Variants in CPA4 observed in about 807,000 individuals in gnomAD.
The protein encoded by CPA4 is carboxypeptidase A3.
In CPA4, 49 loss-of-function variants were observed where a neutral mutation model predicts 54.7. The observed-to-expected ratio is 0.90, with a 90% CI of 0.71 to 1.14. CPA4 has a LOEUF of 1.14. Among genes scored for constraint, CPA4 ranks in the 50% most tolerant of loss-of-function variants. The probability of loss-of-function intolerance (pLI) is 0.00; values close to 1 mark genes in which losing one functional copy is unlikely to be tolerated. For synonymous variants in CPA4, 215 were observed against 206.8 expected (o/e 1.04, Z -0.34); for missense variants, 487 against 525.1 (o/e 0.93, Z 0.71).
At chr7:130,300,330 T>C (rs1480956017) in intron 3 of CPA4, among the ~76,000 whole-genome samples, 1 of 142,264 alleles carries the variant, frequency 7.0e-6, no homozygotes, top group African/African-American at 2.7e-5. Context: ...CCCCAAGAAG[T>C]AAATTTTTTT....
chr7:130,299,576 T>C (rs1793707938), intron 3 of CPA4, 172 bp downstream of exon 3: 1 of 615,188 alleles, frequency 1.6e-6, no homozygotes. Context: ...CAACATTTTG[T>C]AGTAGAAAGG....
At chr7:130,303,013 C>T (rs1793763058) in intron 4 of CPA4, among the ~76,000 whole-genome samples, 1 of 152,174 alleles carries the variant, frequency 6.6e-6, no homozygotes, top group South Asian at 2.1e-4. Flanking sequence ...GAATCATTTT[C>T]CTTGTATTTT....
intron 10 of CPA4, among the ~76,000 whole-genome samples, chr7:130,319,104 C>T (rs12533930): frequency 0.051 from 7,699 of 152,228 alleles, 271 homozygotes; most frequent in Middle Eastern, 0.088. Context: ...CTTGTGTTTG[C>T]TTTGTAGAGT....
chr7:130,308,396 A>G lies in CPA4; in HGVS notation c.792A>G (p.Ala264=). ...DPNRNWNASF[A]GKGASDNPCS... Reference sequence around the variant, plus strand: ...ATAGAAACTGGAACGCTAGTTTTGCAGGTAGGCGGTGGGGAGACAGTTCTC... The same window carrying G: ...ATAGAAACTGGAACGCTAGTTTTGCGGGTAGGCGGTGGGGAGACAGTTCTC... Residue 264 remains alanine (A), a splice_region_variant and synonymous_variant, in exon 8 of 11, where the codon GCA becomes GCG. Transcript: ENST00000222482. 1 of 1,612,698 alleles carries G rather than the reference A, an allele frequency of 6.2e-7. No individual in the cohort carries two copies. Among genetic ancestry groups the G allele is most frequent in the Non-Finnish European group, 8.5e-7 (1 of 1,178,668 alleles).
rs753767550 is a variant in CPA4, at chr7:130,298,740, C to T, written c.69-6C>T. On this transcript the variant is annotated splice_polypyrimidine_tract_variant and splice_region_variant and intron_variant, in intron 1 of 10. Coordinates refer to ENST00000222482, the MANE Select transcript of CPA4 (RefSeq NM_016352.4). Reference sequence around the variant, plus strand: ...TGCTCTTTTTTCCTTTTCGCTTCTTCCCCAGGGACCAAGTTTTGAGGATTA... The same window carrying T: ...TGCTCTTTTTTCCTTTTCGCTTCTTTCCCAGGGACCAAGTTTTGAGGATTA... The T allele has an allele frequency of 2.5e-6, 4 of 1,592,090 alleles. No individual in the cohort carries two copies. The South Asian group carries it at 3.3e-5, about 13-fold the overall frequency.
At position 130,310,689 on chromosome 7, in the gene CPA4, C is replaced by A; in HGVS notation, c.794-98C>A. On this transcript the variant is annotated intron_variant, in intron 8 of 10. Transcript: ENST00000222482. This position sits in a 1 kb window ranked among gnomAD's most constrained non-coding sequence, Gnocchi z 4.3. ...CTGGGCCGTCTCGCCATGGCCTGCCCATTCCCAATACCTTCGGCCCCTCTC... is the reference window on the plus strand; with the variant it reads ...CTGGGCCGTCTCGCCATGGCCTGCCAATTCCCAATACCTTCGGCCCCTCTC... 8.9e-7 allele frequency: 1 copy of A among 1,126,084 alleles called. No homozygotes were observed. Among genetic ancestry groups the A allele is most frequent in the Non-Finnish European group, 1.3e-6 (1 of 758,082 alleles). The allele number at this position is 1,126,084 out of a possible 1,614,324, so 69.8% of individuals were successfully genotyped here.
intron 10 of CPA4, among the ~76,000 whole-genome samples, chr7:130,315,482 A>T (rs1015282423): frequency 1.3e-5 from 2 of 152,064 alleles, no homozygotes; most frequent in Admixed American, 1.3e-4. Context: ...ATTGAGGGTG[A>T]TAGGGGATGT....
chr7:130,293,269 T>C (rs1172236705), intron 1 of CPA4, 21 bp downstream of exon 1: 7 of 1,418,218 alleles, frequency 4.9e-6, no homozygotes, highest in Admixed American at 1.7e-5. Flanking sequence ...TTTGGACTTA[T>C]TATTTGGTTA....
chr7:130,311,945 G>A (rs1259964017), intron 9 of CPA4, 93 bp from the exon 10 acceptor site: 3 of 929,848 alleles, frequency 3.2e-6, no homozygotes, highest in Non-Finnish European at 5.2e-6. Context: ...GGGGGGGGCT[G>A]AGAATCTTCC....
At chr7:130,313,908 T>C (rs912995305) in intron 10 of CPA4, among the ~76,000 whole-genome samples, 10 of 152,220 alleles carry the variant, frequency 6.6e-5, no homozygotes, top group Non-Finnish European at 1.3e-4. Context: ...TTTTTCTTTC[T>C]TGTGGTTCAT....
At chr7:130,318,084 G>A (rs1164200262) in intron 10 of CPA4, among the ~76,000 whole-genome samples, 1 of 152,214 alleles carries the variant, frequency 6.6e-6, no homozygotes, top group Non-Finnish European at 1.5e-5. Context: ...GTGTTGCTAA[G>A]TGGGAACTCT....
At chr7:130,308,450 T>G in intron 8 of CPA4, 53 bp downstream of exon 8, 1 of 1,442,236 alleles carries the variant, frequency 6.9e-7, no homozygotes, top group Non-Finnish European at 9.8e-7. Context: ...GCTCGCCTGG[T>G]CTACCAGTGC....
At chr7:130,305,588 C>T (rs1050150458) in intron 5 of CPA4, among the ~76,000 whole-genome samples, 1 of 152,202 alleles carries the variant, frequency 6.6e-6, no homozygotes, top group Non-Finnish European at 1.5e-5. Flanking sequence ...CCCATTTGCT[C>T]CTAATGCTGG....
chr7:130,309,275 C>T (rs1299181990), intron 8 of CPA4, among the ~76,000 whole-genome samples: 2 of 152,190 alleles, frequency 1.3e-5, no homozygotes, highest in African/African-American at 4.8e-5. Context: ...ATTTTAAAAA[C>T]ACTCTCTTCT....
Position 130,309,778 on chromosome 7 carries a change from T to A in CPA4, c.794-1009T>A, listed in dbSNP as rs77315210. Among the ~76,000 whole-genome samples the A allele has an allele frequency of 1.9e-3, 291 of 152,256 alleles. 4 individuals are homozygous for A. In the East Asian group the frequency reaches 0.043, roughly 23 times the overall value. On this transcript the variant is annotated intron_variant, in intron 8 of 10. Transcript: ENST00000222482. ...CTGATGGGTTGTTTGTTTGTTTTGT[T>A]TTGTTGAGACACGGTCGTGCTCTGT...
At chr7:130,299,822 A>T (rs1482631517) in intron 3 of CPA4, 1 of 168,912 alleles carries the variant, frequency 5.9e-6, no homozygotes, top group Non-Finnish European at 1.3e-5. Context: ...ATTAAGTCAT[A>T]AGTCCCTCTT....
chr7:130,310,641 A>G lies in CPA4; in HGVS notation c.794-146A>G, dbSNP rs1284791250. Reference sequence around the variant, plus strand: ...CTCTTCCATGCCTTCTCTGCAGTCCACACCCACCATGGACTAGGTGCTCTG... The same window carrying G: ...CTCTTCCATGCCTTCTCTGCAGTCCGCACCCACCATGGACTAGGTGCTCTG... On this transcript the variant is annotated intron_variant, in intron 8 of 10. Transcript: ENST00000222482. This position sits in a 1 kb window ranked among gnomAD's most constrained non-coding sequence, Gnocchi z 4.3. 7.3e-6 allele frequency: 5 copies of G among 686,142 alleles called. No individual in the cohort carries two copies. In the African/African-American group the frequency reaches 8.9e-5, roughly 12 times the overall value. The allele number at this position is 686,142 out of a possible 1,614,324, so 42.5% of individuals were successfully genotyped here.
intron 5 of CPA4, among the ~76,000 whole-genome samples, 165 bp from the exon 6 acceptor site, chr7:130,305,651 G>C (rs1793807764): frequency 6.6e-6 from 1 of 152,212 alleles, no homozygotes; most frequent in South Asian, 2.1e-4. Context: ...AACCAATTAA[G>C]CTTCCAAGTC....
rs1793731633 is a variant in CPA4 at position 130,300,998 on chromosome 7, G to A, written c.384+84G>A. 3 of 839,868 alleles carry A rather than the reference G, an allele frequency of 3.6e-6. No homozygotes were observed. The Admixed American group carries it at 5.9e-5, about 16-fold the overall frequency. The allele number at this position is 839,868 out of a possible 1,614,324, so 52.0% of individuals were successfully genotyped here. A position where few individuals can be genotyped will look rare whatever the true frequency, so the allele number is the denominator to read the frequency against. ...CTCTCCTTACTTCCAGGAGACATTA[G>A]TCTTCAGCACAATATCCCCTCACTG... On this transcript the variant is annotated intron_variant, in intron 4 of 10. Transcript: ENST00000222482.
Sources: allele counts gnomAD v4.1 joint callset (sites outside exome capture counted in the v4.1 genomes callset), GRCh38; gene constraint gnomAD v4.1.1; non-coding constraint Gnocchi (gnomAD v3.1); transcripts MANE v1.5; gene names NCBI Gene and HGNC (gene_info 2026-07-23, HGNC 2026-07-21).